MMS22L: variants seen among roughly 807,000 people sequenced by gnomAD.
MMS22L encodes MMS22 like, DNA repair protein.
A neutral mutation model predicts 159.1 loss-of-function variants in MMS22L; 74 were observed. The ratio of observed to expected loss-of-function variants is 0.47; its 90% CI spans 0.39 to 0.56. The LOEUF (loss-of-function observed/expected upper bound fraction) is 0.56. Among genes scored for constraint, MMS22L ranks in the 20% least tolerant of loss-of-function variants. The probability of loss-of-function intolerance (pLI) is 0.00; values close to 1 mark genes in which losing one functional copy is unlikely to be tolerated. For missense variants in MMS22L, 1,351 were observed against 1,422.1 expected, an observed-to-expected ratio of 0.95 and a Z score of 0.80; for synonymous variants, 517 against 506.9, an observed-to-expected ratio of 1.02 and a Z score of -0.27.
chr6:97,178,627 C>CAA, intron 17 of MMS22L, 42 bp from the exon 18 acceptor site: 4 of 1,072,924 alleles, frequency 3.7e-6, no homozygotes, highest in Non-Finnish European at 5.3e-6. Flanking sequence ...ATTTATATAA[C>CAA]ATACTATATA....
At position 97,283,197 on chromosome 6, in the gene MMS22L, CG is replaced by C. The variant is rs1283262785; in HGVS notation, c.-179del. ...CAAACAGGCGAAATTCCCGCCACCGCGCGCCCGCGCTCCGGAAAGGCGGGGC... is the reference window on the plus strand; with the variant it reads ...CAAACAGGCGAAATTCCCGCCACCGCCGCCCGCGCTCCGGAAAGGCGGGGC... On this transcript the variant is annotated 5_prime_UTR_variant, in exon 1 of 25. Transcript: ENST00000683635. 1 of 152,286 alleles carries C rather than the reference CG, an allele frequency of 6.6e-6. No homozygotes were observed. Among genetic ancestry groups the C allele is most frequent in the African/African-American group, 2.4e-5 (1 of 41,468 alleles). The allele number at this position is 152,286 out of a possible 1,614,324, so 9.4% of individuals were successfully genotyped here. A position where few individuals can be genotyped will look rare whatever the true frequency, so the allele number is the denominator to read the frequency against.
At chr6:97,256,776 C>T (rs779782422) in intron 9 of MMS22L, among the ~76,000 whole-genome samples, 1 of 152,042 alleles carries the variant, frequency 6.6e-6, no homozygotes, top group Non-Finnish European at 1.5e-5. Context: ...ACCAGTGAGA[C>T]CCTGTCTCTA....
At chr6:97,191,648 T>C (rs957407713) in intron 14 of MMS22L, among the ~76,000 whole-genome samples, 2 of 152,172 alleles carry the variant, frequency 1.3e-5, no homozygotes, top group South Asian at 2.1e-4. Flanking sequence ...CAAACCACTA[T>C]GAGTAATTAT....
At position 97,233,955 on chromosome 6, in the gene MMS22L, C is replaced by A. The variant is rs763945699; in HGVS notation, c.1208G>T (p.Arg403Leu). The change falls in exon 12 of 25, where the codon CGA (arginine) becomes CTA (leucine). Residue 403 changes from arginine to leucine, a missense_variant. Transcript: ENST00000683635. ...VQGVILEEQL[R>L]MYLHCCLTLC... ...TGTCAAACAACAGTGAAGATACATT[C>A]GTAATTGTTCTTCTAGAATGACACC... The A allele has an allele frequency of 1.2e-6, 2 of 1,608,402 alleles. No homozygotes were observed. Among genetic ancestry groups the A allele is most frequent in the Admixed American group, 3.4e-5 (2 of 58,982 alleles).
At chr6:97,170,458 C>A (rs1582445498) in intron 19 of MMS22L, among the ~76,000 whole-genome samples, 1 of 107,620 alleles carries the variant, frequency 9.3e-6, no homozygotes, top group African/African-American at 4.4e-5. Context: ...TTGTAAAAAC[C>A]TAAGTTTTTT....
chr6:97,202,340 A>T (rs1197170661), intron 14 of MMS22L, among the ~76,000 whole-genome samples: 1 of 152,162 alleles, frequency 6.6e-6, no homozygotes, highest in Non-Finnish European at 1.5e-5. Context: ...CTCTCTATCC[A>T]CTTGCCTGAG....
chr6:97,185,961 A>G (rs1258041337), intron 15 of MMS22L, among the ~76,000 whole-genome samples: 1 of 152,004 alleles, frequency 6.6e-6, no homozygotes, highest in Non-Finnish European at 1.5e-5. Flanking sequence ...ATTTCATGAG[A>G]TCCAGAGTCC....
In MMS22L at chr6:97,165,335, A is replaced by C. The variant is rs748331168; in HGVS notation, c.3132T>G (p.Leu1044=). 6.2e-7 allele frequency: 1 copy of C among 1,613,502 alleles called. No homozygotes were observed. The highest frequency in any genetic ancestry group is 2.2e-5 in the East Asian group (1 of 44,842). The change falls in exon 21 of 25, where the codon CTT becomes CTG. Residue 1044 remains leucine, a synonymous_variant. Transcript: ENST00000683635. ...FLPASPYVSD[L]GQHPVLLALR... is the part of the protein sequence containing the mutation. ...ATGCCAGCAAAACAGGATGTTGTCC[A>C]AGATCTGAAACATATGGTGAAGCTG... is the stretch of plus-strand genomic sequence containing the variant.
chr6:97,233,320 C>G (rs756949654), intron 12 of MMS22L, among the ~76,000 whole-genome samples: 11 of 152,106 alleles, frequency 7.2e-5, no homozygotes, highest in Non-Finnish European at 1.6e-4. Context: ...TTCATTCTGC[C>G]TGGATCCCTT....
rs1010952614 is a variant in MMS22L at position 97,151,938 on chromosome 6, C to T, written c.3386-71G>A. On this transcript the variant is annotated intron_variant, in intron 22 of 24. Transcript: ENST00000683635. ...ATCTGGATCCTCATTTTTATGAACA[C>T]TCTTGATTTAGAAAAATATGTTGTT... 6.2e-6 allele frequency: 7 copies of T among 1,120,592 alleles called. No homozygotes were observed. In the African/African-American group the frequency reaches 9.4e-5, roughly 15 times the overall value. The allele number at this position is 1,120,592 out of a possible 1,614,324, so 69.4% of individuals were successfully genotyped here.
intron 22 of MMS22L, among the ~76,000 whole-genome samples, chr6:97,161,133 G>A (rs928535593): frequency 6.6e-6 from 1 of 151,886 alleles, no homozygotes; most frequent in African/African-American, 2.4e-5. Context: ...TGCATGTCCT[G>A]TAATTTTTTG....
intron 11 of MMS22L, among the ~76,000 whole-genome samples, chr6:97,244,773 T>C (rs1368169047): frequency 2.0e-5 from 3 of 152,120 alleles, no homozygotes; most frequent in African/African-American, 4.8e-5. Flanking sequence ...ATATATTAGT[T>C]CTGTCCCTCT....
At position 97,146,827 on chromosome 6, in the gene MMS22L, T is replaced by C. The variant is rs753190055; in HGVS notation, c.3711A>G (p.Arg1237=). Reference sequence around the variant, plus strand: ...TATATTAAGTATTATCATTTTCCAGTCTCTGCATCTCATCTTGTCCCATCT... The same window carrying C: ...TATATTAAGTATTATCATTTTCCAGCCTCTGCATCTCATCTTGTCCCATCT... The part of the protein sequence containing the change: ...LGQMGQDEMQ[R]LENDNT The change falls in exon 25 of 25, where the codon AGA becomes AGG. Residue 1237 remains arginine, a synonymous_variant. Coordinates refer to ENST00000683635, the MANE Select transcript of MMS22L (RefSeq NM_001350599.2). 1.9e-6 allele frequency: 3 copies of C among 1,574,716 alleles called. No individual in the cohort carries two copies. The highest frequency in any genetic ancestry group is 2.6e-6 in the Non-Finnish European group (3 of 1,166,794).
rs749227437 is a variant in MMS22L at position 97,229,269 on chromosome 6, A to T, written c.1664T>A (p.Leu555Gln). ...EDVASHVLDL[L>Q]NFLKPAFVTS... is the part of the protein sequence containing the mutation. ...TACAAAAGCAGGCTTGAGGAAATTC[A>T]GGAGGTCTAAAACATGACTTGCAAC... Residue 555 changes from leucine to glutamine, a missense_variant, in exon 14 of 25, where the codon CTG becomes CAG. Leu to Gln is a moderately radical substitution (Grantham distance 113). Transcript: ENST00000683635. 1.2e-6 allele frequency: 2 copies of T among 1,614,184 alleles called. No homozygotes were observed. The highest frequency in any genetic ancestry group is 1.7e-6 in the Non-Finnish European group (2 of 1,180,006).
rs1345135647 is a variant in MMS22L at position 97,148,685 on chromosome 6, T to TA, written c.3650+1167dup. On this transcript the variant is annotated intron_variant, in intron 24 of 24. Transcript: ENST00000683635. ...AGCTTTTTTACAAGAGTAAAAAAGTTAAAAAAAGAAAAAGTTTAAAAGGTA... is the reference window on the plus strand; with the variant it reads ...AGCTTTTTTACAAGAGTAAAAAAGTTAAAAAAAAGAAAAAGTTTAAAAGGTA... Among the ~76,000 whole-genome samples, 35 of 152,062 alleles carry TA rather than the reference T, an allele frequency of 2.3e-4. No homozygotes were observed. The South Asian group carries it at 7.1e-3, about 31-fold the overall frequency.
chr6:97,245,036 C>T (rs547682990), intron 11 of MMS22L, among the ~76,000 whole-genome samples: 57 of 152,224 alleles, frequency 3.7e-4, no homozygotes, highest in African/African-American at 1.3e-3. Context: ...GTCAGTCTCA[C>T]TCCCGCTATG....
At position 97,162,076 on chromosome 6, in the gene MMS22L, T is replaced by C; in HGVS notation, c.3311A>G (p.Asn1104Ser). 6.2e-7 allele frequency: 1 copy of C among 1,612,388 alleles called. No individual in the cohort carries two copies. ...AFILQLFKET[N>S]TDIYEVELLL... ...TAGTTCAACTTCATAAATGTCTGTG[T>C]TAGTTTCCTTGAAGAGTTGGAGGAT... Residue 1104 changes from asparagine (N) to serine (S), a missense_variant, in exon 22 of 25, where the codon AAC becomes AGC. Transcript: ENST00000683635.
At chr6:97,178,404 T>C in intron 18 of MMS22L, 39 bp downstream of exon 18, 2 of 1,418,498 alleles carry the variant, frequency 1.4e-6, no homozygotes, top group Non-Finnish European at 1.9e-6. Context: ...AAATTAATTG[T>C]AATTAATCTG....
At chr6:97,156,424 T>C (rs1801854003) in intron 22 of MMS22L, among the ~76,000 whole-genome samples, 1 of 152,222 alleles carries the variant, frequency 6.6e-6, no homozygotes, top group Admixed American at 6.5e-5. Flanking sequence ...CTGCCTAGAT[T>C]TTATTCTAGG....
Sources: gnomAD v4.1 joint callset for allele counts (sites outside exome capture counted in the v4.1 genomes callset) on GRCh38, gnomAD v4.1.1 for gene constraint, MANE v1.5 for transcripts, NCBI Gene and HGNC (gene_info 2026-07-23, HGNC 2026-07-21) for gene names.